The following CNTNAP5 variants were observed in gnomAD, a reference collection of about 807,000 sequenced individuals.
CNTNAP5 encodes the protein contactin associated protein family member 5, also known as contactin-associated protein-like 5.
In CNTNAP5, 72 loss-of-function variants were observed where a neutral mutation model predicts 150.2. That is an observed-to-expected ratio of 0.48 (90% CI 0.40 to 0.58). The LOEUF is 0.58. Among genes scored for constraint, CNTNAP5 ranks in the 20% least tolerant of loss-of-function variants. The pLI is 0.00. For missense variants in CNTNAP5, 1,636 were observed against 1,626.2 expected (o/e 1.01, Z -0.10); for synonymous variants, 672 against 619.8 (o/e 1.08, Z -1.25).
chr2:124,786,547 A>G (rs1382851004), intron 17 of CNTNAP5, among the ~76,000 whole-genome samples: 1 of 151,254 alleles, frequency 6.6e-6, no homozygotes, highest in Non-Finnish European at 1.5e-5. Flanking sequence ...AGAAAGAGAA[A>G]GGAAAGAAAG....
chr2:124,834,027 G>A (rs1682773466), intron 19 of CNTNAP5, among the ~76,000 whole-genome samples: 1 of 152,150 alleles, frequency 6.6e-6, no homozygotes, highest in African/African-American at 2.4e-5. Flanking sequence ...ATGAGAAATA[G>A]AAGATAATAA....
At chr2:124,393,794 C>T (rs1003804869) in intron 3 of CNTNAP5, among the ~76,000 whole-genome samples, 5 of 152,174 alleles carry the variant, frequency 3.3e-5, no homozygotes, top group Admixed American at 6.5e-5. Flanking sequence ...CAGGCTGCAC[C>T]TCACCTGAAC....
At chr2:124,513,400 G>A (rs1413792390) in intron 8 of CNTNAP5, among the ~76,000 whole-genome samples, 3 of 152,112 alleles carry the variant, frequency 2.0e-5, no homozygotes, top group South Asian at 4.2e-4. Context: ...TTTAACATAC[G>A]CATTTTGCAG....
intron 14 of CNTNAP5, among the ~76,000 whole-genome samples, chr2:124,756,908 A>C (rs1393359141): frequency 1.3e-5 from 2 of 152,196 alleles, no homozygotes; most frequent in Admixed American, 6.5e-5. Flanking sequence ...CATCTTGCAC[A>C]TGTACCCCTG....
chr2:124,616,869 A>G (rs1677503962), intron 12 of CNTNAP5, among the ~76,000 whole-genome samples: 1 of 152,138 alleles, frequency 6.6e-6, no homozygotes, highest in Admixed American at 6.6e-5. Context: ...CAGTCAGAAC[A>G]CACAATATTG....
At chr2:124,527,210 C>G (rs902638944) in intron 9 of CNTNAP5, 75 bp from the exon 10 acceptor site, 1 of 1,318,754 alleles carries the variant, frequency 7.6e-7, no homozygotes, top group Admixed American at 2.0e-5. Context: ...ACCTCAAGGT[C>G]TTCCATCAAT....
intron 19 of CNTNAP5, among the ~76,000 whole-genome samples, chr2:124,844,197 A>C (rs1246843361): frequency 6.6e-6 from 1 of 152,054 alleles, no homozygotes; most frequent in Non-Finnish European, 1.5e-5. Flanking sequence ...ATAAGATGAG[A>C]GATGGAGGAT....
At chr2:124,162,642 G>A (rs934644026) in intron 1 of CNTNAP5, among the ~76,000 whole-genome samples, 6 of 152,150 alleles carry the variant, frequency 3.9e-5, no homozygotes, top group Admixed American at 1.3e-4. Context: ...AATGAAGAGT[G>A]AAAAGTAGAA....
At chr2:124,202,055 A>T (rs555292208) in intron 1 of CNTNAP5, among the ~76,000 whole-genome samples, 1 of 152,314 alleles carries the variant, frequency 6.6e-6, no homozygotes, top group Admixed American at 6.5e-5. Context: ...ATGTTTCAAG[A>T]TTATTGTTAC....
chr2:124,585,530 G>A (rs1696508437), intron 11 of CNTNAP5, among the ~76,000 whole-genome samples: 1 of 152,036 alleles, frequency 6.6e-6, no homozygotes, highest in South Asian at 2.1e-4. Context: ...TTCAAAGTGT[G>A]GTTACATTCT....
chr2:124,454,515 A>T (rs1693068093), intron 6 of CNTNAP5, among the ~76,000 whole-genome samples: 1 of 152,170 alleles, frequency 6.6e-6, no homozygotes, highest in Non-Finnish European at 1.5e-5. Flanking sequence ...CAAAGAAATG[A>T]TAGATTTAAA....
At chr2:124,253,302 ATT>A (rs1450041599) in intron 3 of CNTNAP5, among the ~76,000 whole-genome samples, 1 of 152,126 alleles carries the variant, frequency 6.6e-6, no homozygotes, top group Non-Finnish European at 1.5e-5. Context: ...TTGTATATAT[ATT>A]TAAATAAGTT....
chr2:124,860,488 C>CTTCCTTCT (rs1677498463), intron 19 of CNTNAP5, among the ~76,000 whole-genome samples: 1 of 86,586 alleles, frequency 1.2e-5, no homozygotes, highest in African/African-American at 6.2e-5. Flanking sequence ...TCCTTCCTTC[C>CTTCCTTCT]TTCCTTCCTT....
At chr2:124,486,168 T>C (rs1693875980) in intron 7 of CNTNAP5, among the ~76,000 whole-genome samples, 1 of 152,188 alleles carries the variant, frequency 6.6e-6, no homozygotes, top group Non-Finnish European at 1.5e-5. Context: ...TGGATGGAAT[T>C]AGAGACTATT....
chr2:124,718,092 G>A (rs1205076419), intron 13 of CNTNAP5, among the ~76,000 whole-genome samples: 4 of 152,158 alleles, frequency 2.6e-5, no homozygotes, highest in Admixed American at 1.3e-4. Flanking sequence ...TAAATGAGAA[G>A]ACTAACAAAT....
rs570924011 is a variant in CNTNAP5 at position 124,859,241 on chromosome 2, G to A, written c.3218-6065G>A. 7.1e-3 allele frequency among the ~76,000 whole-genome samples: 1,083 copies of A among 152,214 alleles called. 13 individuals carry two copies. Among genetic ancestry groups the A allele is most frequent in the African/African-American group, 0.025 (1,034 of 41,532 alleles). ...AAAACAAACAACCCCATCAACAAGT[G>A]GGCAAAGGATATGAACAGACACTTC... On this transcript the variant is annotated intron_variant, in intron 19 of 23. Transcript: ENST00000682447.
chr2:124,047,765 C>T (rs1299041737), intron 1 of CNTNAP5, among the ~76,000 whole-genome samples: 1 of 152,162 alleles, frequency 6.6e-6, no homozygotes, highest in East Asian at 1.9e-4. Context: ...CTTTTTTCAG[C>T]TCTATCGTTC....
At chr2:124,413,224 G>A (rs1179773388) in intron 3 of CNTNAP5, among the ~76,000 whole-genome samples, 1 of 147,534 alleles carries the variant, frequency 6.8e-6, no homozygotes, top group Non-Finnish European at 1.5e-5. Context: ...TAAAAAGTCA[G>A]GAAACAACAG....
intron 13 of CNTNAP5, among the ~76,000 whole-genome samples, chr2:124,727,463 CTATT>C (rs1031209945): frequency 1.3e-5 from 2 of 151,862 alleles, no homozygotes; most frequent in Admixed American, 1.3e-4. Context: ...GCCTATTTCT[CTATT>C]TATTTGTGTC....
Sources: gnomAD v4.1 joint callset for allele counts (sites outside exome capture counted in the v4.1 genomes callset) on GRCh38, gnomAD v4.1.1 for gene constraint, MANE v1.5 for transcripts, NCBI Gene and HGNC (gene_info 2026-07-23, HGNC 2026-07-21) for gene names.